Variants in FAM13A observed in about 807,000 individuals in gnomAD.
FAM13A encodes the protein family with sequence similarity 13 member A.
In FAM13A, 76 loss-of-function variants were observed where a neutral mutation model predicts 129.6. That is an observed-to-expected ratio of 0.59 (90% CI 0.49 to 0.71). The LOEUF is 0.71. Ranked by LOEUF, FAM13A falls within the 30% of genes least tolerant of loss-of-function variation. FAM13A has a pLI of 0.00. For missense variants in FAM13A, 1,108 were observed against 1,249.3 expected (o/e 0.89, Z 1.70); for synonymous variants, 443 against 449.9 (o/e 0.98, Z 0.20).
At chr4:88,880,883 A>G (rs1743448260) in intron 6 of FAM13A, among the ~76,000 whole-genome samples, 1 of 143,624 alleles carries the variant, frequency 7.0e-6, no homozygotes, top group African/African-American at 2.6e-5. Context: ...TCCCTTGGGG[A>G]CCTGAATGAG....
At chr4:88,856,986 C>CA (rs1361304818) in intron 6 of FAM13A, among the ~76,000 whole-genome samples, 4 of 152,074 alleles carry the variant, frequency 2.6e-5, no homozygotes, top group African/African-American at 9.7e-5. Flanking sequence ...TTTAGCTTTC[C>CA]AAAAAAGAGA....
intron 4 of FAM13A, among the ~76,000 whole-genome samples, chr4:88,971,580 C>T (rs958532076): frequency 2.0e-5 from 3 of 152,158 alleles, no homozygotes; most frequent in African/African-American, 7.2e-5. Flanking sequence ...GATCATGGCT[C>T]ATTGCAGCCT....
At chr4:88,881,544 T>A (rs1743570061) in intron 6 of FAM13A, among the ~76,000 whole-genome samples, 1 of 152,084 alleles carries the variant, frequency 6.6e-6, no homozygotes, top group South Asian at 2.1e-4. Flanking sequence ...AGAAAAACAA[T>A]TCTGGTAATA....
intron 9 of FAM13A, 62 bp from the exon 10 acceptor site, chr4:88,787,994 A>G: frequency 2.9e-6 from 4 of 1,374,246 alleles, no homozygotes; most frequent in Non-Finnish European, 3.0e-6. Context: ...ACCTTAAAAA[A>G]TCTGTGCCTA....
intron 2 of FAM13A, among the ~76,000 whole-genome samples, chr4:89,027,195 TAAC>T (rs1398069126): frequency 3.3e-5 from 5 of 152,110 alleles, no homozygotes; most frequent in African/African-American, 1.2e-4. Flanking sequence ...AGTAAGAGAT[TAAC>T]AACAATAACT....
intron 2 of FAM13A, among the ~76,000 whole-genome samples, chr4:89,021,933 C>T (rs755665756): frequency 1.3e-5 from 2 of 151,896 alleles, no homozygotes; most frequent in South Asian, 2.1e-4. Context: ...AGCTGGTTTA[C>T]GGCAGAAGAT....
chr4:88,758,699 C>A, intron 14 of FAM13A, 55 bp downstream of exon 14: 1 of 1,542,658 alleles, frequency 6.5e-7, no homozygotes, highest in South Asian at 1.2e-5. Context: ...CTCATTTGTG[C>A]TTATTTATAT....
intron 5 of FAM13A, among the ~76,000 whole-genome samples, chr4:88,933,690 C>A (rs1753402423): frequency 6.6e-6 from 1 of 152,108 alleles, no homozygotes; most frequent in South Asian, 2.1e-4. Flanking sequence ...CCTAGCTTAC[C>A]TTCAGATCTT....
chr4:88,741,921 A>G (rs1740349159), intron 19 of FAM13A, among the ~76,000 whole-genome samples: 1 of 152,232 alleles, frequency 6.6e-6, no homozygotes, highest in African/African-American at 2.4e-5. Flanking sequence ...AGTGACTTGT[A>G]CAATGTCACA....
At chr4:88,861,505 ATAAAAGACTGTGGAAC>A (rs1739493902) in intron 6 of FAM13A, among the ~76,000 whole-genome samples, 1 of 152,214 alleles carries the variant, frequency 6.6e-6, no homozygotes. Flanking sequence ...AATAAAAATA[ATAAAAGACTGTGGAAC>A]TTGGGAAGAC....
At chr4:88,767,651 T>C in intron 12 of FAM13A, 56 bp from the exon 13 acceptor site, 1 of 1,345,546 alleles carries the variant, frequency 7.4e-7, no homozygotes, top group South Asian at 1.3e-5. Flanking sequence ...TTTTATAACG[T>C]TTTTCATCCA....
chr4:88,848,191 C>A (rs1422316982), intron 7 of FAM13A, among the ~76,000 whole-genome samples: 1 of 152,096 alleles, frequency 6.6e-6, no homozygotes, highest in African/African-American at 2.4e-5. Context: ...TTGCTTATGA[C>A]CTTCTCTCTC....
intron 5 of FAM13A, chr4:88,937,395 T>C (rs1292872180): frequency 6.6e-6 from 1 of 152,184 alleles, no homozygotes; most frequent in African/African-American, 2.4e-5. Context: ...TTCACCTCAA[T>C]ATAAATGACG....
chr4:88,982,729 T>A (rs373197012), intron 4 of FAM13A, among the ~76,000 whole-genome samples: 1 of 152,194 alleles, frequency 6.6e-6, no homozygotes, highest in Non-Finnish European at 1.5e-5. Context: ...AACTGGGATA[T>A]TGGGGATTTC....
chr4:88,775,725 G>A (rs188126310), intron 11 of FAM13A, among the ~76,000 whole-genome samples: 489 of 152,116 alleles, frequency 3.2e-3, no homozygotes, highest in Non-Finnish European at 5.1e-3. Context: ...AAATAGAACT[G>A]AAACTAACAA....
Position 88,878,313 on chromosome 4 carries a change from A to G in FAM13A, c.844-27130T>C, listed in dbSNP as rs909966271. 6.5e-4 allele frequency among the ~76,000 whole-genome samples: 91 copies of G among 139,926 alleles called. 1 individual carries two copies. The highest frequency in any genetic ancestry group is 2.3e-3 in the South Asian group (10 of 4,398). The allele number at this position is 139,926 out of a possible 152,430, so 91.8% of individuals were successfully genotyped here. A position where few individuals can be genotyped will look rare whatever the true frequency, so the allele number is the denominator to read the frequency against. On this transcript the variant is annotated intron_variant, in intron 6 of 23. Coordinates refer to ENST00000264344, the MANE Select transcript of FAM13A (RefSeq NM_014883.4). ...AAAAAAAAAAAAAAAAAAAAAAAAA[A>G]AAAGAAATTTGGTACTTTTTGAGAT...
At chr4:89,036,070 G>A (rs1769355098) in intron 1 of FAM13A, among the ~76,000 whole-genome samples, 1 of 152,200 alleles carries the variant, frequency 6.6e-6, no homozygotes, top group South Asian at 2.1e-4. Context: ...TGTGAAAGCA[G>A]CTTTGGAAGT....
intron 5 of FAM13A, among the ~76,000 whole-genome samples, chr4:88,922,763 C>T (rs573814748): frequency 6.6e-6 from 1 of 152,018 alleles, no homozygotes; most frequent in African/African-American, 2.4e-5. Context: ...AATCCAGGAG[C>T]TGGTTTTTTG....
chr4:88,851,260 G>T (rs1737528344), intron 6 of FAM13A, 77 bp from the exon 7 acceptor site: 9 of 1,297,398 alleles, frequency 6.9e-6, no homozygotes, highest in Non-Finnish European at 9.3e-6. Flanking sequence ...TATGATAAAA[G>T]ACAATTTATT....
Sources: allele counts gnomAD v4.1 joint callset (sites outside exome capture counted in the v4.1 genomes callset), GRCh38; gene constraint gnomAD v4.1.1; transcripts MANE v1.5; gene names NCBI Gene and HGNC (gene_info 2026-07-23, HGNC 2026-07-21).